KIF26B: variants seen among roughly 807,000 people sequenced by gnomAD.
KIF26B encodes kinesin family member 26B, also known as kinesin-like protein KIF26B.
In KIF26B, 63 loss-of-function variants were observed where a neutral mutation model predicts 151.2. The ratio of observed to expected loss-of-function variants is 0.42; its 90% CI spans 0.34 to 0.51. KIF26B has a LOEUF of 0.51. Ranked by LOEUF, KIF26B falls within the 20% of genes least tolerant of loss-of-function variation. The pLI, the probability that KIF26B is intolerant of heterozygous loss-of-function variation, is 0.07. For synonymous variants in KIF26B, 1,357 were observed against 1,262.1 expected (o/e 1.08, Z -1.59); for missense variants, 2,813 against 2,913.6 (o/e 0.97, Z 0.79).
chr1:245,349,680 G>A (rs890304599), intron 2 of KIF26B, among the ~76,000 whole-genome samples: 1 of 151,958 alleles, frequency 6.6e-6, no homozygotes, highest in Non-Finnish European at 1.5e-5. Context: ...AAGAAAAATG[G>A]CCAGGCATAG....
chr1:245,226,016 C>G (rs1262473057), intron 2 of KIF26B: 1 of 152,230 alleles, frequency 6.6e-6, no homozygotes, highest in Non-Finnish European at 1.5e-5. Flanking sequence ...TGAGTGCTTA[C>G]TGTGTGCAGG....
At chr1:245,660,989 CTTT>C (rs35859643) in intron 10 of KIF26B, among the ~76,000 whole-genome samples, 1 of 138,782 alleles carries the variant, frequency 7.2e-6, no homozygotes. Flanking sequence ...TTTCTTTTTT[CTTT>C]TTTTTTTTTT....
At position 245,667,200 on chromosome 1, in the gene KIF26B, T is replaced by C. The variant is rs1486988658; in HGVS notation, c.2259-17033T>C. Among the ~76,000 whole-genome samples, 1 of 152,096 alleles carries C rather than the reference T, an allele frequency of 6.6e-6. No homozygotes were observed. The highest frequency in any genetic ancestry group is 2.4e-5 in the African/African-American group (1 of 41,412). ...TCTACTTTGGTTTTCTTTCTTTCTTTTTTTGAAACACTCTGCCCAGGCTGG... is the reference window on the plus strand; with the variant it reads ...TCTACTTTGGTTTTCTTTCTTTCTTCTTTTGAAACACTCTGCCCAGGCTGG... On this transcript the variant is annotated intron_variant, in intron 10 of 14. Transcript: ENST00000407071. The surrounding 1 kb of genome is among the most constrained non-coding windows in gnomAD (Gnocchi z 4.3).
At chr1:245,552,649 G>A (rs1367287162) in intron 5 of KIF26B, among the ~76,000 whole-genome samples, 1 of 139,574 alleles carries the variant, frequency 7.2e-6, no homozygotes, top group Non-Finnish European at 1.5e-5. Context: ...GTCTCACTCT[G>A]TCGCCCAGGC....
intron 4 of KIF26B, among the ~76,000 whole-genome samples, chr1:245,451,506 A>T (rs1659389424): frequency 6.7e-6 from 1 of 149,936 alleles, no homozygotes; most frequent in African/African-American, 2.5e-5. Flanking sequence ...GTTAATGTAT[A>T]GCCAATTTTT....
intron 5 of KIF26B, among the ~76,000 whole-genome samples, chr1:245,550,864 T>C (rs1661865500): frequency 6.6e-6 from 1 of 152,142 alleles, no homozygotes; most frequent in African/African-American, 2.4e-5. Flanking sequence ...CTCAGGTTTC[T>C]ACAGGAAAAA....
intron 5 of KIF26B, among the ~76,000 whole-genome samples, chr1:245,595,095 T>G (rs1189063831): frequency 1.3e-5 from 2 of 152,216 alleles, no homozygotes; most frequent in Non-Finnish European, 2.9e-5. Context: ...AAATATAGAA[T>G]CATGTTATCT....
At chr1:245,681,430 T>C (rs4582837) in intron 10 of KIF26B, among the ~76,000 whole-genome samples, 59,852 of 151,960 alleles carry the variant, frequency 0.39, 12,645 homozygotes, top group Middle Eastern at 0.53. Context: ...AGGATGTTCT[T>C]GATCTCCTGA....
chr1:245,219,320 C>T (rs141434352), intron 2 of KIF26B, among the ~76,000 whole-genome samples: 41 of 151,664 alleles, frequency 2.7e-4, no homozygotes, highest in African/African-American at 9.2e-4. Flanking sequence ...TTAGTTTCAC[C>T]GTGTTAGCCA....
rs2042973072 is a variant in KIF26B at position 245,563,221 on chromosome 1, C to G, written c.1350+22271C>G. On this transcript the variant is annotated intron_variant, in intron 5 of 14. Transcript: ENST00000407071. This position sits in a 1 kb window ranked among gnomAD's most constrained non-coding sequence, Gnocchi z 4.6. The stretch of plus-strand genomic sequence containing the variant: ...CTCTTCCCAAAGACCCCCACTGAAC[C>G]CATCAGATGTAAAATCCCCCATTTT... Among the ~76,000 whole-genome samples, 2 of 152,170 alleles carry G rather than the reference C, an allele frequency of 1.3e-5. No homozygotes were observed. The highest frequency in any genetic ancestry group is 2.9e-5 in the Non-Finnish European group (2 of 68,042).
At chr1:245,423,942 G>A (rs1658561996) in intron 4 of KIF26B, among the ~76,000 whole-genome samples, 2 of 151,388 alleles carry the variant, frequency 1.3e-5, no homozygotes, top group African/African-American at 4.9e-5. Context: ...GGGCTCAAGC[G>A]ATCCTCCCAC....
intron 2 of KIF26B, among the ~76,000 whole-genome samples, chr1:245,204,290 CT>C (rs1403831986): frequency 6.6e-6 from 1 of 152,138 alleles, no homozygotes; most frequent in East Asian, 1.9e-4. Flanking sequence ...AGTTAGAGCA[CT>C]AAGTATCAAC....
At chr1:245,463,759 C>A (rs1365857900) in intron 4 of KIF26B, among the ~76,000 whole-genome samples, 1 of 152,156 alleles carries the variant, frequency 6.6e-6, no homozygotes, top group African/African-American at 2.4e-5. Flanking sequence ...GGAAAAAGAA[C>A]TGATTTGTGT....
At chr1:245,186,192 TC>T (rs905954224) in intron 2 of KIF26B, among the ~76,000 whole-genome samples, 1 of 151,662 alleles carries the variant, frequency 6.6e-6, no homozygotes, top group Non-Finnish European at 1.5e-5. Context: ...CTTAAGATGG[TC>T]CCTTCTCCCA....
intron 2 of KIF26B, among the ~76,000 whole-genome samples, chr1:245,365,022 A>C (rs573063078): frequency 1.3e-5 from 2 of 152,358 alleles, no homozygotes; most frequent in African/African-American, 4.8e-5. Flanking sequence ...TTTGGCTTAA[A>C]GTGAAAAATC....
At chr1:245,413,226 A>G (rs1286903880) in intron 3 of KIF26B, among the ~76,000 whole-genome samples, 1 of 152,208 alleles carries the variant, frequency 6.6e-6, no homozygotes, top group Non-Finnish European at 1.5e-5. Flanking sequence ...AGGCCTTTCC[A>G]CTAGCACTGT....
At chr1:245,431,385 C>A (rs1478961282) in intron 4 of KIF26B, among the ~76,000 whole-genome samples, 1 of 150,582 alleles carries the variant, frequency 6.6e-6, no homozygotes, top group East Asian at 1.9e-4. Context: ...TGCATTGTCG[C>A]CCAGGCTAGG....
intron 4 of KIF26B, among the ~76,000 whole-genome samples, chr1:245,464,565 G>C (rs933097593): frequency 2.7e-5 from 4 of 145,554 alleles, no homozygotes; most frequent in Non-Finnish European, 4.5e-5. Context: ...TCCTGTGTGG[G>C]TGTGTGGGTG....
chr1:245,600,725 G>A (rs2043387296), intron 5 of KIF26B, among the ~76,000 whole-genome samples: 1 of 152,020 alleles, frequency 6.6e-6, no homozygotes, highest in Non-Finnish European at 1.5e-5. Flanking sequence ...TAAACCCAGT[G>A]CTTTGGGAGG....
Sources: gnomAD v4.1 joint callset for allele counts (sites outside exome capture counted in the v4.1 genomes callset) on GRCh38, gnomAD v4.1.1 for gene constraint, Gnocchi (gnomAD v3.1) non-coding constraint, MANE v1.5 for transcripts, NCBI Gene and HGNC (gene_info 2026-07-23, HGNC 2026-07-21) for gene names.